Variants in RAD54B observed in about 807,000 individuals in gnomAD.
RAD54B encodes the protein DNA repair and recombination protein RAD54B.
Under a neutral mutation model 95.8 loss-of-function variants are expected in RAD54B, and 78 were observed. The observed-to-expected ratio is 0.81, with a 90% CI of 0.68 to 0.98. The LOEUF is 0.98. RAD54B is among the 50% of genes least tolerant of loss of function. The pLI is 0.00. For missense variants in RAD54B, 957 were observed against 1,056.6 expected, an observed-to-expected ratio of 0.91 and a Z score of 1.31; for synonymous variants, 328 against 354.9, an observed-to-expected ratio of 0.92 and a Z score of 0.85.
rs535129404 is a variant in RAD54B at position 94,378,315 on chromosome 8, C to T, written c.2380G>A (p.Asp794Asn). 5.0e-6 allele frequency: 8 copies of T among 1,613,848 alleles called. No individual in the cohort carries two copies. Among genetic ancestry groups the T allele is most frequent in the African/African-American group, 1.3e-5 (1 of 74,988 alleles). ...ATATGTTCAGATGTCTTGGTGAGGTCGACAACTGCCCCACAAAGACCTTGC... is the reference window on the plus strand; with the variant it reads ...ATATGTTCAGATGTCTTGGTGAGGTTGACAACTGCCCCACAAAGACCTTGC... ...SKQGLCGAVV[D>N]LTKTSEHIQF... The change falls in exon 14 of 15, where the codon GAC becomes AAC. Residue 794 changes from aspartate to asparagine, a missense_variant. Coordinates refer to ENST00000336148, the MANE Select transcript of RAD54B (RefSeq NM_012415.3).
At chr8:94,375,766 C>T (rs901176478) in intron 14 of RAD54B, among the ~76,000 whole-genome samples, 3 of 151,872 alleles carry the variant, frequency 2.0e-5, no homozygotes, top group Admixed American at 6.6e-5. Context: ...ATATAATATG[C>T]TATAATTTAT....
chr8:94,384,227 C>A (rs997970325), intron 11 of RAD54B, among the ~76,000 whole-genome samples: 1 of 151,818 alleles, frequency 6.6e-6, no homozygotes, highest in Admixed American at 6.6e-5. Context: ...TTCACAAGAG[C>A]CAAAAAGTAG....
Position 94,411,114 on chromosome 8 carries a change from A to G in RAD54B, c.499+7T>C, listed in dbSNP as rs1411488155. 6.3e-7 allele frequency: 1 copy of G among 1,592,746 alleles called. No individual in the cohort carries two copies. Among genetic ancestry groups the G allele is most frequent in the Admixed American group, 1.8e-5 (1 of 56,572 alleles). The stretch of plus-strand genomic sequence containing the variant: ...CAAACTGTAAACATTAGGTAGTATC[A>G]TAATACCTCTTCCAATGTCTTTGCC... On this transcript the variant is annotated splice_region_variant and intron_variant, in intron 4 of 14. Transcript: ENST00000336148.
chr8:94,458,266 A>G lies in RAD54B; in HGVS notation c.304+2T>C. 6.3e-7 allele frequency: 1 copy of G among 1,592,480 alleles called. No homozygotes were observed. Among genetic ancestry groups the G allele is most frequent in the Non-Finnish European group, 8.5e-7 (1 of 1,173,096 alleles). ...AACCTTATCAATAAAAAGCAGTCTT[A>G]CCTGTATGAGGTGGATCTAATGTTG... is the stretch of plus-strand genomic sequence containing the variant. On this transcript the variant is annotated splice_donor_variant, in intron 3 of 14. Coordinates refer to ENST00000336148, the MANE Select transcript of RAD54B (RefSeq NM_012415.3). LOFTEE classifies it high-confidence loss of function.
chr8:94,438,984 C>T (rs975971230), intron 3 of RAD54B, among the ~76,000 whole-genome samples: 1 of 151,992 alleles, frequency 6.6e-6, no homozygotes, highest in African/African-American at 2.4e-5. Context: ...TCCAGCTATT[C>T]GGGAACCTGA....
intron 3 of RAD54B, chr8:94,429,985 T>G (rs1483939547): frequency 1.0e-6 from 1 of 985,388 alleles, no homozygotes; most frequent in East Asian, 1.1e-4. Flanking sequence ...AAGCATTCAA[T>G]GGCTTCTCAT....
rs1365892307 is a variant in RAD54B at position 94,411,152 on chromosome 8, T to C, written c.468A>G (p.Leu156=). The stretch of plus-strand genomic sequence containing the variant: ...CAATGTCTTTGCCTTCCAAATTCTT[T>C]AATATAAATGACTTTCCTTTTACAA... ...VLIVKGKSFI[L]KNLEGKDIGR... is the part of the protein sequence containing the mutation. Residue 156 remains leucine, a synonymous_variant, in exon 4 of 15, where the codon TTA becomes TTG. Transcript: ENST00000336148. 3 of 1,608,682 alleles carry C rather than the reference T, an allele frequency of 1.9e-6. No homozygotes were observed. In the Admixed American group the frequency reaches 5.1e-5, roughly 27 times the overall value.
chr8:94,407,361 A>C, intron 5 of RAD54B, 78 bp downstream of exon 5: 1 of 1,408,182 alleles, frequency 7.1e-7, no homozygotes, highest in Non-Finnish European at 9.6e-7. Flanking sequence ...TTTAAAACAA[A>C]ATTTAAACTT....
chr8:94,389,139 G>A (rs1389592835), intron 10 of RAD54B, among the ~76,000 whole-genome samples: 1 of 152,152 alleles, frequency 6.6e-6, no homozygotes, highest in Non-Finnish European at 1.5e-5. Flanking sequence ...TTTTTTTAAA[G>A]AGACAGGGCC....
At chr8:94,436,516 C>G in intron 3 of RAD54B, 1 of 1,549,512 alleles carries the variant, frequency 6.5e-7, no homozygotes, top group Non-Finnish European at 8.7e-7. Flanking sequence ...GTTCCTGTCT[C>G]TTACCAGGCA....
intron 5 of RAD54B, among the ~76,000 whole-genome samples, chr8:94,404,607 A>G (rs1239792962): frequency 1.3e-5 from 2 of 152,222 alleles, no homozygotes; most frequent in African/African-American, 4.8e-5. Flanking sequence ...AATTTTGCCA[A>G]GATGCATTTG....
Position 94,458,352 on chromosome 8 carries a change from T to A in RAD54B, c.220A>T (p.Arg74Ter), listed in dbSNP as rs1157815910. ...CAATTATCTCTGTTATTGATTTCTC[T>A]AGTACTTTCTTCACTAGGCAGATTT... ...SLNLPSEEST[R>*]EINNRDNCSG... The change falls in exon 3 of 15, where the codon AGA becomes TGA. Residue 74 changes from arginine to a stop codon, truncating the protein, a stop_gained. Coordinates refer to ENST00000336148, the MANE Select transcript of RAD54B (RefSeq NM_012415.3). LOFTEE classifies it high-confidence loss of function. 1.2e-6 allele frequency: 2 copies of A among 1,610,236 alleles called. No homozygotes were observed. Among genetic ancestry groups the A allele is most frequent in the Non-Finnish European group, 1.7e-6 (2 of 1,178,392 alleles).
chr8:94,398,360 T>C (rs1586135694), intron 8 of RAD54B, among the ~76,000 whole-genome samples: 2 of 152,076 alleles, frequency 1.3e-5, no homozygotes, highest in Non-Finnish European at 2.9e-5. Flanking sequence ...TTCTTAAAGG[T>C]GGATAGTCTT....
chr8:94,401,060 G>A (rs911551088), intron 6 of RAD54B, among the ~76,000 whole-genome samples: 1 of 152,058 alleles, frequency 6.6e-6, no homozygotes, highest in African/African-American at 2.4e-5. Flanking sequence ...GTAAGACCAT[G>A]TATTTTTATG....
rs1813014459 is a variant in RAD54B, at chr8:94,465,963, T to C, written c.135+1442A>G. Among the ~76,000 whole-genome samples, 3 of 152,172 alleles carry C rather than the reference T, an allele frequency of 2.0e-5. No individual in the cohort carries two copies. In the South Asian group the frequency reaches 6.2e-4, roughly 32 times the overall value. Reference sequence around the variant, plus strand: ...CCATGAGGTACCTAGGGCAGTCAGATTTATAGAGACAAAAAGTAGAATCGT... The same window carrying C: ...CCATGAGGTACCTAGGGCAGTCAGACTTATAGAGACAAAAAGTAGAATCGT... On this transcript the variant is annotated intron_variant, in intron 2 of 14. Transcript: ENST00000336148.
Position 94,391,858 on chromosome 8 carries a change from A to G in RAD54B, c.1560T>C (p.Thr520=), listed in dbSNP as rs748647438. 6.2e-7 allele frequency: 1 copy of G among 1,613,038 alleles called. No individual in the cohort carries two copies. The highest frequency in any genetic ancestry group is 1.7e-5 in the Admixed American group (1 of 59,856). The change falls in exon 10 of 15, where the codon ACT becomes ACC. Residue 520 remains threonine, a synonymous_variant. Coordinates refer to ENST00000336148, the MANE Select transcript of RAD54B (RefSeq NM_012415.3). ...ELGERRAAEL[T]CLTGLFILRR... The stretch of plus-strand genomic sequence containing the variant: ...TAAGGATAAAGAGTCCAGTGAGGCA[A>G]GTAAGTTCAGCTGCTCTTCTTTCTC...
chr8:94,377,701 G>A (rs1032837940), intron 14 of RAD54B, among the ~76,000 whole-genome samples: 4 of 151,444 alleles, frequency 2.6e-5, no homozygotes, highest in Non-Finnish European at 4.4e-5. Flanking sequence ...ACTGGGCCGG[G>A]CGCGGTGGCT....
At chr8:94,430,714 G>A in intron 3 of RAD54B, 1 of 930,624 alleles carries the variant, frequency 1.1e-6, no homozygotes, top group Non-Finnish European at 1.3e-6. Context: ...TGTTTTAAAA[G>A]CATTTTGTGT....
intron 3 of RAD54B, 78 bp downstream of exon 3, chr8:94,458,190 C>T: frequency 7.6e-7 from 1 of 1,313,948 alleles, no homozygotes; most frequent in Non-Finnish European, 1.0e-6. Flanking sequence ...ATAACATATT[C>T]ATTCTTAAAA....
Sources: gnomAD v4.1 joint callset for allele counts (sites outside exome capture counted in the v4.1 genomes callset) on GRCh38, gnomAD v4.1.1 for gene constraint, MANE v1.5 for transcripts, NCBI Gene and HGNC (gene_info 2026-07-23, HGNC 2026-07-21) for gene names.